LAS1L: variants seen among roughly 807,000 people sequenced by gnomAD.
The protein encoded by LAS1L is ribosomal biogenesis protein LAS1L.
Under a neutral mutation model 57.3 loss-of-function variants are expected in LAS1L, and 5 were observed. The observed-to-expected ratio is 0.09, with a 90% CI of 0.05 to 0.18. The LOEUF is 0.18. Ranked by LOEUF, LAS1L falls within the 10% of genes least tolerant of loss-of-function variation. The pLI, the probability that LAS1L is intolerant of heterozygous loss-of-function variation, is 1.00. For synonymous variants in LAS1L, 245 were observed against 231.7 expected (o/e 1.06, Z -0.52); for missense variants, 360 against 568.3 (o/e 0.63, Z 3.73).
chrX:65,528,412 G>A, intron 6 of LAS1L, 43 bp from the exon 7 acceptor site: 1 of 794,397 alleles, frequency 1.3e-6, no homozygotes, highest in Middle Eastern at 4.2e-4. Context: ...GTTCAGCCAA[G>A]CAACCCACCT....
At chrX:65,524,932 C>T in intron 8 of LAS1L, 33 bp downstream of exon 8, 2 of 1,151,311 alleles carry the variant, frequency 1.7e-6, no homozygotes, top group South Asian at 3.7e-5. Context: ...GGAATCAGAA[C>T]CCTAAGGGTG....
rs2069007154 is a variant in LAS1L at position 65,524,277 on chromosome X, A to G, written c.1094-15T>C. Reference sequence around the variant, plus strand: ...GTCCACGTTTTCTGGTTTGTAAGGGACACCCATTTGGGGGGGCAATAGGAG... The same window carrying G: ...GTCCACGTTTTCTGGTTTGTAAGGGGCACCCATTTGGGGGGGCAATAGGAG... On this transcript the variant is annotated splice_polypyrimidine_tract_variant and intron_variant, in intron 9 of 13. Coordinates refer to ENST00000374811, the MANE Select transcript of LAS1L (RefSeq NM_031206.7). The G allele has an allele frequency of 8.5e-7, 1 of 1,175,657 alleles. No homozygotes were observed. Among genetic ancestry groups the G allele is most frequent in the East Asian group, 3.0e-5 (1 of 33,261 alleles).
intron 11 of LAS1L, chrX:65,518,828 A>G: frequency 1.3e-6 from 1 of 754,811 alleles, no homozygotes; most frequent in Non-Finnish European, 1.6e-6. Context: ...ATAAATGCAC[A>G]AAACAGCCAA....
In LAS1L at chrX:65,519,520, A is replaced by G. The variant is rs746589132; in HGVS notation, c.1449-1055T>C. On this transcript the variant is annotated intron_variant, in intron 11 of 13. Coordinates refer to ENST00000374811, the MANE Select transcript of LAS1L (RefSeq NM_031206.7). ...GAAGCTGTGAAGGACACACAGACAG[A>G]CAGAGAGCAGGGCTTGGTGACTGAT... 1.3e-3 allele frequency among the ~76,000 whole-genome samples: 151 copies of G among 112,023 alleles called. 1 individual carries two copies. Among genetic ancestry groups the G allele is most frequent in the African/African-American group, 4.8e-3 (148 of 30,839 alleles).
At chrX:65,521,015 C>G in intron 11 of LAS1L, 1 of 754,320 alleles carries the variant, frequency 1.3e-6, no homozygotes, top group Non-Finnish European at 1.6e-6. Flanking sequence ...GTTCTCCTCC[C>G]AATTGCCCAC....
intron 13 of LAS1L, among the ~76,000 whole-genome samples, chrX:65,513,394 C>T (rs1007772202): frequency 8.9e-6 from 1 of 111,978 alleles, no homozygotes; most frequent in Non-Finnish European, 1.9e-5. Context: ...CCCTCCTTCT[C>T]CCTGGCCCTG....
At position 65,534,778 on chromosome X, in the gene LAS1L, C is replaced by A; in HGVS notation, c.-63G>T. On this transcript the variant is annotated 5_prime_UTR_variant, in exon 1 of 14. Coordinates refer to ENST00000374811, the MANE Select transcript of LAS1L (RefSeq NM_031206.7). ...GCACAGCCTTCAGCTCAGCGTGCTA[C>A]CCTCACTCCGAACCGCCACCGCACC... The A allele has an allele frequency of 3.2e-6, 3 of 942,267 alleles. No individual in the cohort carries two copies. Among genetic ancestry groups the A allele is most frequent in the Non-Finnish European group, 4.4e-6 (3 of 680,991 alleles). 77.7% of individuals were successfully genotyped at this position (942,267 alleles called of 1,213,427 possible).
At chrX:65,519,449 C>T (rs771892381) in intron 11 of LAS1L, among the ~76,000 whole-genome samples, 21 of 111,658 alleles carry the variant, frequency 1.9e-4, no homozygotes, top group African/African-American at 6.5e-4. Flanking sequence ...AGGCCAGAGT[C>T]GGGGAGGGCT....
chrX:65,513,983 T>A (rs1156896383), intron 13 of LAS1L, among the ~76,000 whole-genome samples: 1 of 112,150 alleles, frequency 8.9e-6, no homozygotes, highest in Non-Finnish European at 1.9e-5. Context: ...TTGCCTTGGG[T>A]CTGGCCTGCT....
At chrX:65,530,196 T>C (rs2069398841) in intron 4 of LAS1L, among the ~76,000 whole-genome samples, 1 of 112,698 alleles carries the variant, frequency 8.9e-6, no homozygotes, top group East Asian at 2.8e-4. Flanking sequence ...TGGCCAAGTC[T>C]CCCCTTTTCT....
At position 65,529,884 on chromosome X, in the gene LAS1L, G is replaced by A. The variant is rs1379421207; in HGVS notation, c.515-6C>T. 1 of 1,207,993 alleles carries A rather than the reference G, an allele frequency of 8.3e-7. No individual in the cohort carries two copies. Among genetic ancestry groups the A allele is most frequent in the Non-Finnish European group, 1.1e-6 (1 of 892,707 alleles). On this transcript the variant is annotated splice_region_variant and splice_polypyrimidine_tract_variant and intron_variant, in intron 4 of 13. Coordinates refer to ENST00000374811, the MANE Select transcript of LAS1L (RefSeq NM_031206.7). ...ATCCAGGACAAAGTAGCAGCCTAGA[G>A]GGGGGAAGGCAGGCAGTGCCACAGG...
chrX:65,526,566 T>C (rs2069155691), intron 7 of LAS1L, among the ~76,000 whole-genome samples: 1 of 111,379 alleles, frequency 9.0e-6, no homozygotes, highest in East Asian at 2.8e-4. Flanking sequence ...ACACTGCAGT[T>C]CTCACCCAGG....
At chrX:65,529,949 G>A (rs1389326593) in intron 4 of LAS1L, 71 bp from the exon 5 acceptor site, 112 of 980,599 alleles carry the variant, frequency 1.1e-4, no homozygotes, top group Non-Finnish European at 1.8e-5. Context: ...CTCATCTTGT[G>A]GGTATTATAG....
intron 11 of LAS1L, 110 bp downstream of exon 11, chrX:65,523,450 T>C (rs1208551389): frequency 3.8e-6 from 3 of 793,242 alleles, no homozygotes; most frequent in African/African-American, 2.1e-5. Context: ...GGAGTGAGAC[T>C]GGGCTAGACT....
chrX:65,533,572 C>T, intron 2 of LAS1L, 38 bp downstream of exon 2: 1 of 1,201,938 alleles, frequency 8.3e-7, no homozygotes, highest in Non-Finnish European at 1.1e-6. Context: ...CTCCAGTCCC[C>T]AAAGCCAACC....
intron 4 of LAS1L, among the ~76,000 whole-genome samples, chrX:65,530,698 C>T (rs761955812): frequency 9.2e-6 from 1 of 109,007 alleles, no homozygotes; most frequent in Admixed American, 9.8e-5. Context: ...CCTGTAATCC[C>T]AGCTACTCAG....
At position 65,516,975 on chromosome X, in the gene LAS1L, C is replaced by T. The variant is rs191729580; in HGVS notation, c.1927+1012G>A. 6.3e-5 allele frequency among the ~76,000 whole-genome samples: 7 copies of T among 111,184 alleles called. No individual in the cohort carries two copies. In the Admixed American group the frequency reaches 6.7e-4, roughly 11 times the overall value. Reference sequence around the variant, plus strand: ...CATCACGCAGGCCCAGCTGTTCTCCCTCCCTCCCCAGGCTTCAGCACACAG... The same window carrying T: ...CATCACGCAGGCCCAGCTGTTCTCCTTCCCTCCCCAGGCTTCAGCACACAG... On this transcript the variant is annotated intron_variant, in intron 12 of 13. Transcript: ENST00000374811.
chrX:65,533,486 C>T (rs1286358800), intron 2 of LAS1L, 124 bp downstream of exon 2: 1 of 580,110 alleles, frequency 1.7e-6, no homozygotes, highest in Non-Finnish European at 2.8e-6. Context: ...CAGGCTGATC[C>T]ACAGTGAGGT....
intron 3 of LAS1L, among the ~76,000 whole-genome samples, chrX:65,532,004 G>A (rs1435501804): frequency 8.9e-6 from 1 of 112,135 alleles, no homozygotes; most frequent in East Asian, 2.8e-4. Context: ...AGAAATACCT[G>A]TGAATGAGCA....
Sources: allele counts gnomAD v4.1 joint callset (sites outside exome capture counted in the v4.1 genomes callset), GRCh38; gene constraint gnomAD v4.1.1; transcripts MANE v1.5; gene names NCBI Gene and HGNC (gene_info 2026-07-23, HGNC 2026-07-21).